The following B3GALT1 variants were observed in gnomAD, a reference collection of about 807,000 sequenced individuals.
The protein encoded by B3GALT1 is UDP-Gal:betaGlcNAc beta 1,3-galactosyltransferase, polypeptide 1.
Under a neutral mutation model 23.2 loss-of-function variants are expected in B3GALT1, and 10 were observed. The observed-to-expected ratio is 0.43, with a 90% CI of 0.27 to 0.73. The LOEUF (loss-of-function observed/expected upper bound fraction) is 0.73, where lower values mean the gene tolerates loss of function less well. Ranked by LOEUF, B3GALT1 falls within the 30% of genes least tolerant of loss-of-function variation. The pLI is 0.21. For synonymous variants in B3GALT1, 156 were observed against 141.5 expected, an observed-to-expected ratio of 1.10 and a Z score of -0.73; for missense variants, 299 against 405.4, an observed-to-expected ratio of 0.74 and a Z score of 2.25.
At chr2:167,645,174 C>T (rs1310957769) in intron 2 of B3GALT1, among the ~76,000 whole-genome samples, 2 of 152,140 alleles carry the variant, frequency 1.3e-5, no homozygotes, top group African/African-American at 4.8e-5. Context: ...CAGCCGTCCA[C>T]CATTGCTCAG....
At chr2:167,850,008 C>G (rs1263677871) in intron 4 of B3GALT1, among the ~76,000 whole-genome samples, 1 of 151,944 alleles carries the variant, frequency 6.6e-6, no homozygotes, top group Non-Finnish European at 1.5e-5. Flanking sequence ...ACCAAGAACC[C>G]AAAAGCAAAT....
chr2:167,697,054 T>C (rs553666950), intron 3 of B3GALT1, among the ~76,000 whole-genome samples: 1 of 152,300 alleles, frequency 6.6e-6, no homozygotes, highest in Non-Finnish European at 1.5e-5. Context: ...TGTTCATGCA[T>C]TGCTCTCAAG....
At chr2:167,516,318 A>T (rs1700099619) in intron 2 of B3GALT1, among the ~76,000 whole-genome samples, 2 of 152,030 alleles carry the variant, frequency 1.3e-5, no homozygotes, top group Non-Finnish European at 2.9e-5. Flanking sequence ...CATCCTCAAC[A>T]CTTCTGCCTA....
intron 1 of B3GALT1, among the ~76,000 whole-genome samples, chr2:167,354,640 C>A (rs930285336): frequency 6.6e-6 from 1 of 152,242 alleles, no homozygotes; most frequent in African/African-American, 2.4e-5. Context: ...CCACTTTGCC[C>A]GGCCAAATCT....
chr2:167,662,933 T>G (rs1686091509), intron 3 of B3GALT1, among the ~76,000 whole-genome samples: 1 of 144,028 alleles, frequency 6.9e-6, no homozygotes, highest in South Asian at 2.3e-4. Context: ...TAATGTCACT[T>G]TCTTTTTTTT....
At chr2:167,850,567 T>C (rs1216383810) in intron 4 of B3GALT1, among the ~76,000 whole-genome samples, 1 of 152,106 alleles carries the variant, frequency 6.6e-6, no homozygotes, top group Admixed American at 6.6e-5. Context: ...GGAAAAGAAG[T>C]TATATGAAAA....
At chr2:167,839,920 C>A (rs1689598450) in intron 4 of B3GALT1, among the ~76,000 whole-genome samples, 1 of 151,520 alleles carries the variant, frequency 6.6e-6, no homozygotes. Context: ...GAAAAACAAG[C>A]AATGGGGAAA....
chr2:167,357,646 T>G (rs1697437134), intron 1 of B3GALT1, among the ~76,000 whole-genome samples: 1 of 152,200 alleles, frequency 6.6e-6, no homozygotes, highest in Non-Finnish European at 1.5e-5. Flanking sequence ...ATTGAAAACA[T>G]TTCTGCTGGC....
intron 3 of B3GALT1, among the ~76,000 whole-genome samples, chr2:167,706,733 A>G (rs2105514669): frequency 6.6e-6 from 1 of 152,204 alleles, no homozygotes; most frequent in Non-Finnish European, 1.5e-5. Context: ...TTGGGATACA[A>G]TGCACAAGCA....
In B3GALT1 at chr2:167,736,791, G is replaced by A. The variant is rs577447323; in HGVS notation, c.-351-81881G>A. Among the ~76,000 whole-genome samples, 20 of 152,166 alleles carry A rather than the reference G, an allele frequency of 1.3e-4. No homozygotes were observed. The East Asian group carries it at 3.1e-3, about 24-fold the overall frequency. On this transcript the variant is annotated intron_variant, in intron 3 of 4. Coordinates refer to ENST00000392690, the MANE Select transcript of B3GALT1 (RefSeq NM_020981.4). ...TGTATATACACATGAAAAAGTAGCCGGGTGTGGTGGTGCATGCCTGTAATT... is the reference window on the plus strand; with the variant it reads ...TGTATATACACATGAAAAAGTAGCCAGGTGTGGTGGTGCATGCCTGTAATT...
chr2:167,790,127 T>A, intron 3 of B3GALT1, among the ~76,000 whole-genome samples: 1 of 152,208 alleles, frequency 6.6e-6, no homozygotes, highest in African/African-American at 2.4e-5. Flanking sequence ...TGCACCTTGA[T>A]GGCACGCTTA....
intron 4 of B3GALT1, among the ~76,000 whole-genome samples, chr2:167,822,339 A>C (rs929705454): frequency 6.6e-6 from 1 of 152,164 alleles, no homozygotes; most frequent in Non-Finnish European, 1.5e-5. Context: ...AATAGGCTGT[A>C]CTTTGCTAAC....
chr2:167,310,835 C>T (rs1696624558), intron 1 of B3GALT1, among the ~76,000 whole-genome samples: 1 of 152,030 alleles, frequency 6.6e-6, no homozygotes, highest in Non-Finnish European at 1.5e-5. Flanking sequence ...GAGGCTTAGA[C>T]TAGACACTCT....
intron 3 of B3GALT1, among the ~76,000 whole-genome samples, chr2:167,806,748 T>G (rs1463069348): frequency 1.3e-5 from 2 of 152,208 alleles, no homozygotes; most frequent in African/African-American, 4.8e-5. Context: ...TGCATCGATG[T>G]ACATCAGGGA....
At chr2:167,557,264 A>G (rs1683870838) in intron 2 of B3GALT1, among the ~76,000 whole-genome samples, 1 of 152,138 alleles carries the variant, frequency 6.6e-6, no homozygotes, top group Admixed American at 6.5e-5. Flanking sequence ...TATGAATTAT[A>G]AACACTGACC....
At chr2:167,865,653 G>A (rs973555844) in intron 4 of B3GALT1, among the ~76,000 whole-genome samples, 15 of 152,112 alleles carry the variant, frequency 9.9e-5, no homozygotes, top group South Asian at 2.1e-4. Context: ...TTAGCCAGGC[G>A]TGGTGGCGGG....
chr2:167,568,957 T>C (rs1684235182), intron 2 of B3GALT1, among the ~76,000 whole-genome samples: 1 of 152,016 alleles, frequency 6.6e-6, no homozygotes, highest in Non-Finnish European at 1.5e-5. Flanking sequence ...GCAGTTGTTC[T>C]AGCACCATTT....
chr2:167,627,430 A>T (rs1401691290), intron 2 of B3GALT1, among the ~76,000 whole-genome samples: 3 of 151,674 alleles, frequency 2.0e-5, no homozygotes, highest in Non-Finnish European at 4.4e-5. Flanking sequence ...GCAATATATA[A>T]CTTTTTGAGT....
chr2:167,303,485 G>A (rs1696488353), intron 1 of B3GALT1, among the ~76,000 whole-genome samples: 1 of 152,106 alleles, frequency 6.6e-6, no homozygotes, highest in Non-Finnish European at 1.5e-5. Flanking sequence ...ACCTCTGGAA[G>A]AGATTAGCAT....
Sources: allele counts gnomAD v4.1 joint callset (sites outside exome capture counted in the v4.1 genomes callset), GRCh38; gene constraint gnomAD v4.1.1; transcripts MANE v1.5; gene names NCBI Gene and HGNC (gene_info 2026-07-23, HGNC 2026-07-21).